The following ADARB1 variants were observed in gnomAD, a reference collection of about 807,000 sequenced individuals.
ADARB1 encodes adenosine deaminase RNA specific B1.
Under a neutral mutation model 52.4 loss-of-function variants are expected in ADARB1, and 10 were observed. The ratio of observed to expected loss-of-function variants is 0.19; its 90% CI spans 0.12 to 0.32. The LOEUF is 0.32. ADARB1 is among the 10% of genes least tolerant of loss of function. The probability of loss-of-function intolerance (pLI) is 1.00; values close to 1 mark genes in which losing one functional copy is unlikely to be tolerated. For synonymous variants in ADARB1, 349 were observed against 371.1 expected (o/e 0.94, Z 0.68); for missense variants, 643 against 922.3 (o/e 0.70, Z 3.92).
intron 1 of ADARB1, among the ~76,000 whole-genome samples, chr21:45,089,201 C>T (rs1158306107): frequency 6.6e-6 from 1 of 152,216 alleles, no homozygotes; most frequent in African/African-American, 2.4e-5. Context: ...GTGATTGATA[C>T]ATACTTCTCC....
At position 45,223,856 on chromosome 21, in the gene ADARB1, T is replaced by C; in HGVS notation, c.*1659T>C. 1.0e-6 allele frequency: 1 copy of C among 985,390 alleles called. No individual in the cohort carries two copies. The highest frequency in any genetic ancestry group is 1.2e-6 in the Non-Finnish European group (1 of 829,944). The allele number at this position is 985,390 out of a possible 1,614,324, so 61.0% of individuals were successfully genotyped here. On this transcript the variant is annotated 3_prime_UTR_variant, in exon 11 of 11. Coordinates refer to ENST00000348831, the MANE Select transcript of ADARB1 (RefSeq NM_001112.4). Reference sequence around the variant, plus strand: ...GTCGCAGCACGGCAGGAAGGGGTGCTGCTTAGGGCTCATTGTTGGGGACAT... The same window carrying C: ...GTCGCAGCACGGCAGGAAGGGGTGCCGCTTAGGGCTCATTGTTGGGGACAT...
chr21:45,155,013 C>T (rs187685921), intron 2 of ADARB1, among the ~76,000 whole-genome samples: 3 of 152,346 alleles, frequency 2.0e-5, no homozygotes, highest in Admixed American at 2.0e-4. Context: ...CTTCAGTCCC[C>T]ACCCTCCTGC....
chr21:45,134,514 CGTGT>C (rs532324938), intron 2 of ADARB1, among the ~76,000 whole-genome samples: 1 of 151,072 alleles, frequency 6.6e-6, no homozygotes, highest in African/African-American at 2.4e-5. Context: ...GTGTGCCTGA[CGTGT>C]GTGTGTGTCT....
chr21:45,152,445 G>A (rs965904387), intron 2 of ADARB1, among the ~76,000 whole-genome samples: 1 of 152,178 alleles, frequency 6.6e-6, no homozygotes, highest in Admixed American at 6.5e-5. Context: ...GCCTAACTGC[G>A]GCATGATGAA....
chr21:45,191,436 A>G (rs2092278902), intron 8 of ADARB1, among the ~76,000 whole-genome samples: 1 of 152,232 alleles, frequency 6.6e-6, no homozygotes, highest in African/African-American at 2.4e-5. Flanking sequence ...GGTAGCCTTC[A>G]TCATGCTAGG....
chr21:45,076,887 T>C (rs1483207931), intron 1 of ADARB1, among the ~76,000 whole-genome samples: 1 of 152,178 alleles, frequency 6.6e-6, no homozygotes, highest in Non-Finnish European at 1.5e-5. Flanking sequence ...CTTAACAAGA[T>C]AGGTAGAGAT....
intron 1 of ADARB1, among the ~76,000 whole-genome samples, chr21:45,078,121 G>T (rs926117908): frequency 6.6e-6 from 1 of 151,868 alleles, no homozygotes; most frequent in Non-Finnish European, 1.5e-5. Flanking sequence ...CCTATAAGAT[G>T]TCCTAGGCGT....
At chr21:45,193,371 G>T (rs2092348973) in intron 8 of ADARB1, among the ~76,000 whole-genome samples, 1 of 152,166 alleles carries the variant, frequency 6.6e-6, no homozygotes, top group Admixed American at 6.5e-5. Context: ...TAGCAAAATA[G>T]AAATAGAAGG....
intron 1 of ADARB1, among the ~76,000 whole-genome samples, chr21:45,121,994 G>A (rs571379168): frequency 6.6e-6 from 1 of 152,318 alleles, no homozygotes; most frequent in South Asian, 2.1e-4. Flanking sequence ...TCAAAAATTA[G>A]GAAGAAGGCT....
chr21:45,217,357 T>C (rs1410172917), intron 9 of ADARB1, among the ~76,000 whole-genome samples: 1 of 152,118 alleles, frequency 6.6e-6, no homozygotes, highest in Non-Finnish European at 1.5e-5. Context: ...TTCTTGACTT[T>C]TGAGCTGTAA....
In ADARB1 at chr21:45,172,738, C is replaced by A. The variant is rs1016290716; in HGVS notation, c.28+1054C>A. Among the ~76,000 whole-genome samples, 22 of 152,138 alleles carry A rather than the reference C, an allele frequency of 1.4e-4. No individual in the cohort carries two copies. The highest frequency in any genetic ancestry group is 4.8e-4 in the African/African-American group (20 of 41,416). ...GCCATCTGGGGTGTGAGGGTGAGACCACCTCCTGCAGTGCTACCCAGGAAC... is the reference window on the plus strand; with the variant it reads ...GCCATCTGGGGTGTGAGGGTGAGACAACCTCCTGCAGTGCTACCCAGGAAC... On this transcript the variant is annotated intron_variant, in intron 3 of 10. Coordinates refer to ENST00000348831, the MANE Select transcript of ADARB1 (RefSeq NM_001112.4). The surrounding 1 kb of genome is among the most constrained non-coding windows in gnomAD (Gnocchi z 4.4).
chr21:45,142,669 A>G lies in ADARB1; in HGVS notation c.-48+14096A>G, dbSNP rs2089790025. ...CCAGCTGGCTGCCAGGCTGCTCCCC[A>G]TGAGGTGGTGGGAGCCGTGTGGGAT... On this transcript the variant is annotated intron_variant, in intron 2 of 10. Transcript: ENST00000348831. This position sits in a 1 kb window ranked among gnomAD's most constrained non-coding sequence, Gnocchi z 4.0. 6.6e-6 allele frequency among the ~76,000 whole-genome samples: 1 copy of G among 152,142 alleles called. No homozygotes were observed. The highest frequency in any genetic ancestry group is 2.4e-5 in the African/African-American group (1 of 41,438).
rs1467039222 is a variant in ADARB1, at chr21:45,223,972, C to T, written c.*1775C>T. On this transcript the variant is annotated 3_prime_UTR_variant, in exon 11 of 11. Coordinates refer to ENST00000348831, the MANE Select transcript of ADARB1 (RefSeq NM_001112.4). ...GTCTCCCTGAAGCAGTCACAGCAGGCGTCTCTGCCGCTCCGTCACCACAGT... is the reference window on the plus strand; with the variant it reads ...GTCTCCCTGAAGCAGTCACAGCAGGTGTCTCTGCCGCTCCGTCACCACAGT... The T allele has an allele frequency of 1.0e-5, 10 of 985,278 alleles. No individual in the cohort carries two copies. Among genetic ancestry groups the T allele is most frequent in the Non-Finnish European group, 1.2e-5 (10 of 829,848 alleles). 61.0% of individuals were successfully genotyped at this position (985,278 alleles called of 1,614,324 possible).
intron 2 of ADARB1, among the ~76,000 whole-genome samples, chr21:45,156,305 A>G: frequency 7.2e-6 from 1 of 139,362 alleles, no homozygotes; most frequent in African/African-American, 2.8e-5. Context: ...TCATCCATCC[A>G]TCCATCCACC....
intron 2 of ADARB1, among the ~76,000 whole-genome samples, chr21:45,165,430 T>C (rs993981531): frequency 6.6e-6 from 1 of 152,236 alleles, no homozygotes; most frequent in Non-Finnish European, 1.5e-5. Flanking sequence ...ATGTGTTTGC[T>C]GAAAATTAGG....
chr21:45,105,807 T>G (rs2087226380), intron 1 of ADARB1, among the ~76,000 whole-genome samples: 1 of 152,272 alleles, frequency 6.6e-6, no homozygotes, highest in African/African-American at 2.4e-5. Context: ...ATGATTCGTC[T>G]GTCTGTAGAG....
chr21:45,156,631 C>T (rs1281982008), intron 2 of ADARB1, among the ~76,000 whole-genome samples: 1 of 151,650 alleles, frequency 6.6e-6, no homozygotes, highest in Non-Finnish European at 1.5e-5. Flanking sequence ...ACCCATCACC[C>T]ATCAGCCATC....
chr21:45,209,473 G>GCCCTTGCC (rs1240047294), intron 9 of ADARB1, among the ~76,000 whole-genome samples: 1 of 152,214 alleles, frequency 6.6e-6, no homozygotes, highest in Non-Finnish European at 1.5e-5. Flanking sequence ...AAAGTCCTGT[G>GCCCTTGCC]TGGGTGGGGC....
intron 1 of ADARB1, among the ~76,000 whole-genome samples, chr21:45,075,129 C>G (rs2085868771): frequency 1.3e-5 from 2 of 148,474 alleles, no homozygotes; most frequent in Admixed American, 6.6e-5. Flanking sequence ...GCCCTGGGGA[C>G]CGAGACTGCG....
Sources: allele counts gnomAD v4.1 joint callset (sites outside exome capture counted in the v4.1 genomes callset), GRCh38; gene constraint gnomAD v4.1.1; non-coding constraint Gnocchi (gnomAD v3.1); transcripts MANE v1.5; gene names NCBI Gene and HGNC (gene_info 2026-07-23, HGNC 2026-07-21).